C1QTNF3: variants seen among roughly 807,000 people sequenced by gnomAD.
C1QTNF3 encodes C1q and TNF related 3.
C1QTNF3 carries 26 observed loss-of-function variants against 32.6 expected under a neutral mutation model. The ratio of observed to expected loss-of-function variants is 0.80; its 90% CI spans 0.58 to 1.11. C1QTNF3 has a LOEUF of 1.11. Among genes scored for constraint, C1QTNF3 ranks in the 50% least tolerant of loss-of-function variants. C1QTNF3 has a pLI of 0.00. For synonymous variants in C1QTNF3, 155 were observed against 146.0 expected, an observed-to-expected ratio of 1.06 and a Z score of -0.44; for missense variants, 362 against 398.2, an observed-to-expected ratio of 0.91 and a Z score of 0.77.
At chr5:34,184,715 C>CAAAAAAAAAAAAAA in the C1QTNF3 span, among the ~76,000 whole-genome samples, 8 of 129,546 alleles carry the variant, frequency 6.2e-5, no homozygotes, top group African/African-American at 8.4e-5. Context: ...GACTCTGTCT[C>CAAAAAAAAAAAAAA]AAAAAAAAAA....
upstream of C1QTNF3, among the ~76,000 whole-genome samples, chr5:34,046,816 C>T (rs1363141441): frequency 2.0e-5 from 3 of 152,150 alleles, no homozygotes; most frequent in Non-Finnish European, 4.4e-5. Flanking sequence ...CTTGTACACG[C>T]AGAGATGACA....
chr5:34,112,872 CCTTTT>C, the C1QTNF3 span, among the ~76,000 whole-genome samples: 1 of 151,918 alleles, frequency 6.6e-6, no homozygotes, highest in Non-Finnish European at 1.5e-5. Flanking sequence ...GTCTTTTGGC[CCTTTT>C]CTTTCAGTAA....
chr5:34,044,799 A>G (rs1754959986), upstream of C1QTNF3, among the ~76,000 whole-genome samples: 3 of 152,186 alleles, frequency 2.0e-5, no homozygotes, highest in Non-Finnish European at 4.4e-5. Context: ...TCTCTGTGCT[A>G]CAAGTCTACC....
the C1QTNF3 span, chr5:34,165,381 A>C: frequency 2.6e-5 from 4 of 152,070 alleles, no homozygotes; most frequent in African/African-American, 9.7e-5. Flanking sequence ...ATGTGTAGGT[A>C]TATGCATGTG....
the C1QTNF3 span, among the ~76,000 whole-genome samples, chr5:34,051,229 T>G: frequency 6.6e-6 from 1 of 152,224 alleles, no homozygotes; most frequent in African/African-American, 2.4e-5. Flanking sequence ...AGATGGCATT[T>G]GTGAGCCACC....
At chr5:34,216,951 T>C in the C1QTNF3 span, among the ~76,000 whole-genome samples, 1 of 152,158 alleles carries the variant, frequency 6.6e-6, no homozygotes, top group East Asian at 1.9e-4. Flanking sequence ...GTGTCATTTG[T>C]GAAATATAAT....
chr5:34,142,371 G>A, the C1QTNF3 span, among the ~76,000 whole-genome samples: 1 of 151,632 alleles, frequency 6.6e-6, no homozygotes, highest in East Asian at 1.9e-4. Flanking sequence ...GGCAGAGGTT[G>A]CAGTGAGCCG....
the C1QTNF3 span, among the ~76,000 whole-genome samples, chr5:34,233,429 G>A: frequency 6.8e-6 from 1 of 146,938 alleles, no homozygotes; most frequent in African/African-American, 2.5e-5. Context: ...CAGTTTCCTT[G>A]ACTTTTCCAG....
the C1QTNF3 span, among the ~76,000 whole-genome samples, chr5:34,117,110 G>A: frequency 4.0e-5 from 6 of 151,840 alleles, no homozygotes; most frequent in Non-Finnish European, 8.8e-5. Context: ...TGTTGTAACT[G>A]ATATGTGGGA....
At chr5:34,054,517 G>T in the C1QTNF3 span, among the ~76,000 whole-genome samples, 12 of 152,242 alleles carry the variant, frequency 7.9e-5, no homozygotes, top group Admixed American at 4.6e-4. Context: ...TGAATGAGCC[G>T]GGCTGTGTTC....
At chr5:34,113,991 G>A in the C1QTNF3 span, among the ~76,000 whole-genome samples, 8 of 152,122 alleles carry the variant, frequency 5.3e-5, no homozygotes, top group African/African-American at 1.9e-4. Flanking sequence ...TAGGCTTTGC[G>A]ATCTTCAATG....
the C1QTNF3 span, among the ~76,000 whole-genome samples, chr5:34,119,146 A>C: frequency 1.3e-5 from 2 of 152,220 alleles, no homozygotes; most frequent in African/African-American, 4.8e-5. Flanking sequence ...AATGCCATCG[A>C]AATGGTATAA....
At chr5:34,051,366 C>T in the C1QTNF3 span, among the ~76,000 whole-genome samples, 1 of 152,176 alleles carries the variant, frequency 6.6e-6, no homozygotes, top group East Asian at 1.9e-4. Flanking sequence ...TAATACTCTA[C>T]ATATCTGTCT....
intron 4 of C1QTNF3, among the ~76,000 whole-genome samples, chr5:34,026,194 T>G (rs1754453922): frequency 6.6e-6 from 1 of 152,184 alleles, no homozygotes; most frequent in Non-Finnish European, 1.5e-5. Context: ...TGCTGCCAAA[T>G]GCCCCTGAGG....
the C1QTNF3 span, among the ~76,000 whole-genome samples, chr5:34,082,187 C>A: frequency 4.6e-4 from 70 of 151,380 alleles, 4 homozygotes; most frequent in African/African-American, 1.6e-3. Context: ...TTGCTCTGGC[C>A]CACTAAATCA....
At chr5:34,037,118 G>A (rs1004729119) in intron 1 of C1QTNF3, among the ~76,000 whole-genome samples, 1 of 152,188 alleles carries the variant, frequency 6.6e-6, no homozygotes, top group Non-Finnish European at 1.5e-5. Context: ...AAGACCTAGT[G>A]GAAGTTGATT....
the C1QTNF3 span, chr5:34,175,541 T>G: frequency 3.1e-6 from 1 of 319,674 alleles, no homozygotes; most frequent in Non-Finnish European, 5.9e-6. Flanking sequence ...TCCTTGGCTA[T>G]GAAATAGACA....
the C1QTNF3 span, chr5:34,239,262 C>T: frequency 1.3e-5 from 2 of 152,038 alleles, no homozygotes; most frequent in African/African-American, 4.8e-5. Context: ...CAGCTACAAA[C>T]GTGATGATAG....
At chr5:34,148,048 C>G in the C1QTNF3 span, among the ~76,000 whole-genome samples, 1 of 151,848 alleles carries the variant, frequency 6.6e-6, no homozygotes, top group African/African-American at 2.4e-5. Context: ...ACCTGGGAAG[C>G]GCAAGGGGTC....
Sources: allele counts gnomAD v4.1 joint callset (sites outside exome capture counted in the v4.1 genomes callset), GRCh38; gene constraint gnomAD v4.1.1; transcripts MANE v1.5; gene names NCBI Gene and HGNC (gene_info 2026-07-23, HGNC 2026-07-21).